Variants in PDE4B observed in about 807,000 individuals in gnomAD.
PDE4B encodes the protein 3',5'-cyclic-AMP phosphodiesterase 4B.
Under a neutral mutation model 82.2 loss-of-function variants are expected in PDE4B, and 20 were observed. The ratio of observed to expected loss-of-function variants is 0.24; its 90% confidence interval spans 0.17 to 0.35. PDE4B has a LOEUF of 0.35. Ranked by LOEUF, PDE4B falls within the 10% of genes least tolerant of loss-of-function variation. PDE4B has a pLI of 1.00. For synonymous variants in PDE4B, 320 were observed against 318.9 expected (o/e 1.00, Z -0.04); for missense variants, 655 against 907.2 (o/e 0.72, Z 3.57).
At chr1:66,311,070 T>A (rs1658635351) in intron 7 of PDE4B, among the ~76,000 whole-genome samples, 1 of 152,172 alleles carries the variant, frequency 6.6e-6, no homozygotes, top group African/African-American at 2.4e-5. Context: ...AACGGTGTTG[T>A]CTGGTGCAGA....
chr1:66,169,281 A>T (rs1032118688), intron 3 of PDE4B, among the ~76,000 whole-genome samples: 2 of 152,144 alleles, frequency 1.3e-5, no homozygotes, highest in African/African-American at 4.8e-5. Flanking sequence ...AGTGGCCTTT[A>T]AGTGCTATTG....
chr1:66,266,823 T>C (rs1655082005), intron 7 of PDE4B: 2 of 408,430 alleles, frequency 4.9e-6, no homozygotes, highest in Admixed American at 3.3e-5. Context: ...AATAATGTTT[T>C]CTCCTAAATC....
At chr1:66,155,168 T>C (rs983047103) in intron 3 of PDE4B, among the ~76,000 whole-genome samples, 1 of 152,110 alleles carries the variant, frequency 6.6e-6, no homozygotes, top group South Asian at 2.1e-4. Context: ...GGAGCTGAAA[T>C]CAAGATGGAA....
chr1:65,949,090 C>T (rs994996587), intron 3 of PDE4B, among the ~76,000 whole-genome samples: 4 of 152,062 alleles, frequency 2.6e-5, no homozygotes, highest in African/African-American at 4.8e-5. Context: ...CTGTCCACCG[C>T]TCTTCTATTG....
intron 3 of PDE4B, among the ~76,000 whole-genome samples, chr1:66,044,029 CTAAAT>C (rs1654544790): frequency 2.3e-4 from 1 of 4,364 alleles, no homozygotes. Context: ...AAGTATTATA[CTAAAT>C]GTATTATACT....
chr1:66,212,893 C>G (rs1187928948), intron 3 of PDE4B, among the ~76,000 whole-genome samples: 1 of 152,198 alleles, frequency 6.6e-6, no homozygotes, highest in South Asian at 2.1e-4. Flanking sequence ...CTCTGGATAC[C>G]CCTCAAAGAT....
intron 3 of PDE4B, among the ~76,000 whole-genome samples, chr1:66,127,709 G>A (rs150501505): frequency 1.4e-4 from 22 of 152,136 alleles, no homozygotes; most frequent in African/African-American, 5.1e-4. Flanking sequence ...AGGGCTATAC[G>A]GCCCGTCATT....
At chr1:66,162,923 C>T (rs1263110633) in intron 3 of PDE4B, among the ~76,000 whole-genome samples, 2 of 152,104 alleles carry the variant, frequency 1.3e-5, no homozygotes, top group Non-Finnish European at 2.9e-5. Context: ...ACAGAAGACC[C>T]AAGTCAACTT....
At chr1:65,891,429 G>A (rs1280613147) in intron 1 of PDE4B, among the ~76,000 whole-genome samples, 1 of 151,908 alleles carries the variant, frequency 6.6e-6, no homozygotes, top group African/African-American at 2.4e-5. Flanking sequence ...ACTTTTTATA[G>A]CCCTTATAAA....
intron 1 of PDE4B, among the ~76,000 whole-genome samples, chr1:65,830,193 A>G (rs1157972927): frequency 6.6e-6 from 1 of 152,210 alleles, no homozygotes; most frequent in Non-Finnish European, 1.5e-5. Flanking sequence ...GCACTGGGCT[A>G]CAACACAAGT....
intron 3 of PDE4B, among the ~76,000 whole-genome samples, chr1:66,151,746 G>C (rs1646398474): frequency 6.6e-6 from 1 of 152,152 alleles, no homozygotes; most frequent in South Asian, 2.1e-4. Flanking sequence ...TAAGTCTTTT[G>C]ATGGCAGGCA....
rs181050485 is a variant in PDE4B at position 66,058,006 on chromosome 1, G to A, written c.281+139171G>A. Among the ~76,000 whole-genome samples the A allele has an allele frequency of 3.1e-3, 466 of 152,178 alleles. 2 individuals are homozygous for A. The highest frequency in any genetic ancestry group is 0.027 in the Middle Eastern group (8 of 294). ...ATCTGAGACAAGGCAAGTTCCTTTC[G>A]CCTATAAGCCTGTAAAATCAAAAGC... On this transcript the variant is annotated intron_variant, in intron 3 of 16. Coordinates refer to ENST00000341517, the MANE Select transcript of PDE4B (RefSeq NM_002600.4).
intron 7 of PDE4B, among the ~76,000 whole-genome samples, chr1:66,281,046 T>C (rs1425736855): frequency 1.3e-5 from 2 of 152,330 alleles, no homozygotes; most frequent in East Asian, 3.9e-4. Flanking sequence ...TCTATGCTTA[T>C]GGACTGGCCT....
intron 1 of PDE4B, among the ~76,000 whole-genome samples, chr1:65,836,972 A>G (rs1211881520): frequency 6.6e-6 from 1 of 152,138 alleles, no homozygotes; most frequent in African/African-American, 2.4e-5. Context: ...ACTCAGGGAG[A>G]AGACTTCCTT....
chr1:65,864,341 A>T (rs1256604905), intron 1 of PDE4B, among the ~76,000 whole-genome samples: 1 of 151,940 alleles, frequency 6.6e-6, no homozygotes, highest in Non-Finnish European at 1.5e-5. Flanking sequence ...GTTATTACCC[A>T]CCTTTTGAAG....
intron 7 of PDE4B, among the ~76,000 whole-genome samples, chr1:66,275,814 G>C (rs1408192003): frequency 6.6e-6 from 1 of 152,188 alleles, no homozygotes; most frequent in East Asian, 1.9e-4. Flanking sequence ...CCTCAAAATA[G>C]AGAACAGGCA....
intron 3 of PDE4B, among the ~76,000 whole-genome samples, chr1:66,059,696 A>G (rs1168479381): frequency 2.6e-5 from 4 of 152,196 alleles, no homozygotes; most frequent in Admixed American, 1.3e-4. Context: ...CCATGATTCA[A>G]TAACCTCCCA....
Position 66,214,358 on chromosome 1 carries a change from G to A in PDE4B, c.282-33102G>A, listed in dbSNP as rs149534400. 8.4e-3 allele frequency among the ~76,000 whole-genome samples: 1,275 copies of A among 152,108 alleles called. 23 individuals carry two copies. The highest frequency in any genetic ancestry group is 0.029 in the African/African-American group (1,199 of 41,512). On this transcript the variant is annotated intron_variant, in intron 3 of 16. Transcript: ENST00000341517. ...CTGGCTTTTTTTTCCCTGTAACTTT[G>A]AGAGATTTTTGAAGAGGAAGAAGGC...
At chr1:66,225,411 G>T (rs17128559) in intron 3 of PDE4B, among the ~76,000 whole-genome samples, 2 of 152,032 alleles carry the variant, frequency 1.3e-5, no homozygotes, top group African/African-American at 4.8e-5. Context: ...GAATTCCTGC[G>T]TTTTTGAAGT....
Sources: gnomAD v4.1 joint callset for allele counts (sites outside exome capture counted in the v4.1 genomes callset) on GRCh38, gnomAD v4.1.1 for gene constraint, MANE v1.5 for transcripts, NCBI Gene and HGNC (gene_info 2026-07-23, HGNC 2026-07-21) for gene names.